Variants in SFMBT2 observed in about 807,000 individuals in gnomAD.
The protein encoded by SFMBT2 is scm-like with four MBT domains protein 2.
A neutral mutation model predicts 110.1 loss-of-function variants in SFMBT2; 38 were observed. The observed-to-expected ratio is 0.35, with a 90% CI of 0.27 to 0.45. SFMBT2 has a LOEUF of 0.45. Ranked by LOEUF, SFMBT2 falls within the 20% of genes least tolerant of loss-of-function variation. SFMBT2 has a pLI of 1.00. For missense variants in SFMBT2, 1,011 were observed against 1,094.9 expected (o/e 0.92, Z 1.08); for synonymous variants, 425 against 425.4 (o/e 1.00, Z 0.01).
intron 4 of SFMBT2, among the ~76,000 whole-genome samples, chr10:7,312,215 G>A (rs1212489618): frequency 1.3e-5 from 2 of 152,056 alleles, no homozygotes; most frequent in Non-Finnish European, 2.9e-5. Flanking sequence ...ACCCTAGAAC[G>A]TAAAGTATAA....
intron 4 of SFMBT2, among the ~76,000 whole-genome samples, chr10:7,335,944 C>T (rs1313208430): frequency 1.1e-4 from 16 of 151,982 alleles, no homozygotes; most frequent in Non-Finnish European, 2.9e-5. Context: ...CCAATAGACT[C>T]AGCCACTAAA....
rs111294447 is a variant in SFMBT2, at chr10:7,211,965, C to T, written c.1331-6037G>A. On this transcript the variant is annotated intron_variant, in intron 11 of 20. Transcript: ENST00000397167. The stretch of plus-strand genomic sequence containing the variant: ...CCTAAACATACAAGGTGGGCTCAGA[C>T]GGGTTTCTCTGAACCACACCATGCA... Among the ~76,000 whole-genome samples the T allele has an allele frequency of 3.0e-3, 454 of 152,272 alleles. 1 individual carries two copies. Among genetic ancestry groups the T allele is most frequent in the African/African-American group, 0.01 (436 of 41,556 alleles).
rs1270589916 is a variant in SFMBT2 at position 7,404,877 on chromosome 10, G to T, written c.-52+5984C>A. On this transcript the variant is annotated intron_variant, in intron 1 of 20. Coordinates refer to ENST00000397167, the MANE Select transcript of SFMBT2 (RefSeq NM_001387889.1). The stretch of plus-strand genomic sequence containing the variant: ...GAACTGATCATGCAAAACCAATCCT[G>T]AAGGATTTTACTTGGAAACATTACA... Among the ~76,000 whole-genome samples the T allele has an allele frequency of 2.0e-5, 3 of 152,278 alleles. No individual in the cohort carries two copies. The East Asian group carries it at 5.8e-4, about 29-fold the overall frequency.
chr10:7,376,727 C>CAAAAAAAAAAA (rs35816107), intron 2 of SFMBT2, among the ~76,000 whole-genome samples: 8 of 44,738 alleles, frequency 1.8e-4, no homozygotes, highest in African/African-American at 7.1e-4. Flanking sequence ...GGCCCTCCCA[C>CAAAAAAAAAAA]AAAAAAAAAA....
At chr10:7,369,332 T>C (rs537560040) in intron 3 of SFMBT2, among the ~76,000 whole-genome samples, 1 of 152,322 alleles carries the variant, frequency 6.6e-6, no homozygotes, top group African/African-American at 2.4e-5. Context: ...TAAATCTCCA[T>C]TTCTATTTCT....
chr10:7,172,353 A>G lies in SFMBT2; in HGVS notation c.2151+142T>C, dbSNP rs188880254. The G allele has an allele frequency of 3.4e-6, 5 of 1,491,522 alleles. No individual in the cohort carries two copies. In the Admixed American group the frequency reaches 6.8e-5, roughly 20 times the overall value. The allele number at this position is 1,491,522 out of a possible 1,614,324, so 92.4% of individuals were successfully genotyped here. A position where few individuals can be genotyped will look rare whatever the true frequency, so the allele number is the denominator to read the frequency against. ...CACACTACATTTGTTTTCAGCAAGTAAGGAGGAGGGGGCTCTTCTTCAGTG... is the reference window on the plus strand; with the variant it reads ...CACACTACATTTGTTTTCAGCAAGTGAGGAGGAGGGGGCTCTTCTTCAGTG... On this transcript the variant is annotated intron_variant, in intron 18 of 20. Transcript: ENST00000397167. This position sits in a 1 kb window ranked among gnomAD's most constrained non-coding sequence, Gnocchi z 4.6.
At position 7,169,431 on chromosome 10, in the gene SFMBT2, C is replaced by A. The variant is rs774377635; in HGVS notation, c.2544+1497G>T. ...TTAATTTGCTTTTTCCAGTTCATTG[C>A]TGCATGAACTTGGGAGAAAAGCTGG... is the stretch of plus-strand genomic sequence containing the variant. On this transcript the variant is annotated intron_variant, in intron 20 of 20. Transcript: ENST00000397167. Among the ~76,000 whole-genome samples, 7 of 152,258 alleles carry A rather than the reference C, an allele frequency of 4.6e-5. No individual in the cohort carries two copies. In the East Asian group the frequency reaches 1.2e-3, roughly 25 times the overall value.
intron 4 of SFMBT2, among the ~76,000 whole-genome samples, chr10:7,311,005 CT>C (rs1842839159): frequency 7.3e-6 from 1 of 137,898 alleles, no homozygotes; most frequent in South Asian, 2.5e-4. Flanking sequence ...CAAGATCGTG[CT>C]ATTGCACTCT....
At chr10:7,302,808 C>T (rs538779236) in intron 4 of SFMBT2, among the ~76,000 whole-genome samples, 17 of 152,226 alleles carry the variant, frequency 1.1e-4, no homozygotes, top group African/African-American at 3.4e-4. Flanking sequence ...TTTGTAAGCA[C>T]CAGTAGGAAT....
intron 11 of SFMBT2, among the ~76,000 whole-genome samples, chr10:7,216,880 A>G (rs766122640): frequency 3.3e-4 from 51 of 152,306 alleles, no homozygotes; most frequent in Non-Finnish European, 5.4e-4. Flanking sequence ...CTTCCAAGGA[A>G]GCCGAGGAAT....
chr10:7,366,448 A>G (rs1844903792), intron 4 of SFMBT2, among the ~76,000 whole-genome samples: 1 of 151,290 alleles, frequency 6.6e-6, no homozygotes, highest in African/African-American at 2.4e-5. Context: ...AAAAAAAAAA[A>G]GATAGAGCTC....
At chr10:7,186,038 T>C (rs1356572157) in intron 16 of SFMBT2, among the ~76,000 whole-genome samples, 2 of 152,194 alleles carry the variant, frequency 1.3e-5, no homozygotes, top group Admixed American at 6.5e-5. Context: ...GTAATAATGA[T>C]AGACTCCTCA....
intron 1 of SFMBT2, among the ~76,000 whole-genome samples, chr10:7,384,790 G>A (rs1845543076): frequency 6.6e-6 from 1 of 152,178 alleles, no homozygotes; most frequent in African/African-American, 2.4e-5. Context: ...ATTCTTCTAA[G>A]AGCAATCCTT....
At chr10:7,339,906 T>C (rs1843836805) in intron 4 of SFMBT2, among the ~76,000 whole-genome samples, 1 of 152,194 alleles carries the variant, frequency 6.6e-6, no homozygotes, top group South Asian at 2.1e-4. Flanking sequence ...CAGGTACAGA[T>C]GCTAAATGCT....
At chr10:7,317,188 C>G (rs1843040359) in intron 4 of SFMBT2, among the ~76,000 whole-genome samples, 1 of 152,014 alleles carries the variant, frequency 6.6e-6, no homozygotes. Context: ...GACTGGCCCA[C>G]ACTAAATCCA....
chr10:7,330,676 C>T (rs1193903993), intron 4 of SFMBT2, among the ~76,000 whole-genome samples: 2 of 152,172 alleles, frequency 1.3e-5, no homozygotes, highest in Non-Finnish European at 2.9e-5. Flanking sequence ...TCTCTCTGCT[C>T]CTCTCTTCCT....
chr10:7,383,106 A>T (rs1010550478), intron 1 of SFMBT2, among the ~76,000 whole-genome samples: 1 of 152,234 alleles, frequency 6.6e-6, no homozygotes, highest in Non-Finnish European at 1.5e-5. Flanking sequence ...ATGAAGAAAC[A>T]AAAGAATATA....
At chr10:7,333,889 A>C (rs1467064180) in intron 4 of SFMBT2, among the ~76,000 whole-genome samples, 1 of 152,102 alleles carries the variant, frequency 6.6e-6, no homozygotes, top group African/African-American at 2.4e-5. Flanking sequence ...CTGGTGTTGC[A>C]GAAACACGGG....
chr10:7,234,209 G>A (rs1400755753), intron 9 of SFMBT2, among the ~76,000 whole-genome samples: 3 of 87,870 alleles, frequency 3.4e-5, no homozygotes, highest in African/African-American at 1.0e-4. Flanking sequence ...AACAGTGCAG[G>A]AAAAAAACAA....
Sources: gnomAD v4.1 joint callset for allele counts (sites outside exome capture counted in the v4.1 genomes callset) on GRCh38, gnomAD v4.1.1 for gene constraint, Gnocchi (gnomAD v3.1) non-coding constraint, MANE v1.5 for transcripts, NCBI Gene and HGNC (gene_info 2026-07-23, HGNC 2026-07-21) for gene names.